The following RNF138 variants were observed in gnomAD, a reference collection of about 807,000 sequenced individuals.
The protein encoded by RNF138 is ring finger protein 138.
In RNF138, 12 loss-of-function variants were observed where a neutral mutation model predicts 31.0. The ratio of observed to expected loss-of-function variants is 0.39; its 90% CI spans 0.25 to 0.63. RNF138 has a LOEUF of 0.63. Ranked by LOEUF, RNF138 falls within the 20% of genes least tolerant of loss-of-function variation. The pLI is 0.52. For synonymous variants in RNF138, 105 were observed against 99.5 expected, an observed-to-expected ratio of 1.06 and a Z score of -0.33; for missense variants, 192 against 300.1, an observed-to-expected ratio of 0.64 and a Z score of 2.66.
chr18:32,109,722 AC>A (rs2040095057), intron 2 of RNF138, among the ~76,000 whole-genome samples: 1 of 152,092 alleles, frequency 6.6e-6, no homozygotes, highest in Non-Finnish European at 1.5e-5. Flanking sequence ...TCCCATCTCT[AC>A]AAAAAGTACA....
In RNF138 at chr18:32,096,160, A is replaced by G. The variant is rs1254218390; in HGVS notation, c.110+3274A>G. ...TTTCCTGAAAACCTATTAAATAATT[A>G]GATAACCTAATGAATAATACTAGAC... On this transcript the variant is annotated intron_variant, in intron 2 of 7. Coordinates refer to ENST00000261593, the MANE Select transcript of RNF138 (RefSeq NM_016271.5). Among the ~76,000 whole-genome samples the G allele has an allele frequency of 2.6e-5, 4 of 152,256 alleles. 1 individual carries two copies. Among genetic ancestry groups the G allele is most frequent in the Admixed American group, 2.6e-4 (4 of 15,286 alleles).
intron 4 of RNF138, among the ~76,000 whole-genome samples, chr18:32,116,328 C>G (rs2040216186): frequency 6.6e-6 from 1 of 152,042 alleles, no homozygotes; most frequent in Non-Finnish European, 1.5e-5. Context: ...CTTGGTAGAA[C>G]TGTTCTTTAT....
chr18:32,092,851 C>A lies in RNF138; in HGVS notation c.75C>A (p.Leu25=). The A allele has an allele frequency of 6.3e-7, 1 of 1,592,454 alleles. No individual in the cohort carries two copies. The highest frequency in any genetic ancestry group is 8.5e-7 in the Non-Finnish European group (1 of 1,172,302). Residue 25 remains leucine (L), a synonymous_variant, in exon 2 of 8, where the codon CTC becomes CTA. Transcript: ENST00000261593. ...DFYCPVCQEV[L]KTPVRTTACQ... ...ACTGCCCCGTCTGTCAGGAGGTGCT[C>A]AAAACGCCCGTGCGGACCACGGCCT... is the stretch of plus-strand genomic sequence containing the variant.
chr18:32,101,237 C>CA (rs1432855058), intron 2 of RNF138, among the ~76,000 whole-genome samples: 5 of 142,702 alleles, frequency 3.5e-5, no homozygotes, highest in African/African-American at 1.3e-4. Context: ...TTTTCAAAGA[C>CA]AGAGTCTGGC....
intron 2 of RNF138, among the ~76,000 whole-genome samples, chr18:32,106,018 C>T (rs1451780504): frequency 1.3e-5 from 2 of 152,216 alleles, no homozygotes; most frequent in Non-Finnish European, 2.9e-5. Flanking sequence ...TGAGTTCTCT[C>T]TTGGAATACC....
At chr18:32,101,928 G>A (rs2039947114) in intron 2 of RNF138, among the ~76,000 whole-genome samples, 1 of 152,132 alleles carries the variant, frequency 6.6e-6, no homozygotes. Flanking sequence ...CCAGGCTGGA[G>A]TGCAGGGGCA....
intron 2 of RNF138, among the ~76,000 whole-genome samples, chr18:32,095,779 T>A (rs1029812739): frequency 1.3e-5 from 2 of 152,228 alleles, no homozygotes; most frequent in Non-Finnish European, 2.9e-5. Flanking sequence ...TCCCTGAAAC[T>A]GCAGTTGTTG....
intron 2 of RNF138, among the ~76,000 whole-genome samples, chr18:32,104,659 G>T (rs1442330460): frequency 6.6e-6 from 1 of 152,004 alleles, no homozygotes; most frequent in African/African-American, 2.4e-5. Flanking sequence ...GAAGAAAAAC[G>T]TCACTTACAA....
chr18:32,103,089 G>A (rs1179236645), intron 2 of RNF138, among the ~76,000 whole-genome samples: 3 of 152,086 alleles, frequency 2.0e-5, no homozygotes, highest in Non-Finnish European at 2.9e-5. Flanking sequence ...TTTATTAGTT[G>A]TGTGCCAATA....
Position 32,092,786 on chromosome 18 carries a change from G to A in RNF138, c.10G>A (p.Asp4Asn). The A allele has an allele frequency of 1.3e-6, 2 of 1,583,908 alleles. No homozygotes were observed. Among genetic ancestry groups the A allele is most frequent in the Non-Finnish European group, 1.7e-6 (2 of 1,168,494 alleles). MAEDLSAATSYTED... is the reference protein window; with the variant it reads MAENLSAATSYTED... Reference sequence around the variant, plus strand: ...TTCCCCATCCCCCGCCATGGCCGAGGACCTCTCTGCGGCCACGTCCTACAC... The same window carrying A: ...TTCCCCATCCCCCGCCATGGCCGAGAACCTCTCTGCGGCCACGTCCTACAC... Residue 4 changes from aspartate to asparagine, a missense_variant, in exon 2 of 8, where the codon GAC (aspartate) becomes AAC (asparagine). Transcript: ENST00000261593.
chr18:32,129,068 T>C, intron 7 of RNF138, 51 bp from the exon 8 acceptor site: 1 of 1,230,558 alleles, frequency 8.1e-7, no homozygotes, highest in Non-Finnish European at 1.2e-6. Flanking sequence ...GGCAAAGTAT[T>C]AGAGTAGTTG....
intron 5 of RNF138, 77 bp downstream of exon 5, chr18:32,123,651 A>AT: frequency 3.0e-6 from 3 of 1,005,264 alleles, no homozygotes; most frequent in South Asian, 1.7e-5. Context: ...TTTAAATTAA[A>AT]CTTTTTTTTT....
chr18:32,127,370 T>G (rs1039995485), intron 7 of RNF138, among the ~76,000 whole-genome samples: 1 of 152,214 alleles, frequency 6.6e-6, no homozygotes, highest in Non-Finnish European at 1.5e-5. Flanking sequence ...TTTAATTAGG[T>G]GAAAACCTGT....
rs898490229 is a variant in RNF138 at position 32,123,688 on chromosome 18, G to A, written c.449+114G>A. ...TTTTTTTGAGACGGAGTCTCACTTTGTTTTCCCAGGCTGGAGTGCAGTGGT... is the reference window on the plus strand; with the variant it reads ...TTTTTTTGAGACGGAGTCTCACTTTATTTTCCCAGGCTGGAGTGCAGTGGT... On this transcript the variant is annotated intron_variant, in intron 5 of 7. Transcript: ENST00000261593. 19 of 629,680 alleles carry A rather than the reference G, an allele frequency of 3.0e-5. No homozygotes were observed. The South Asian group carries it at 4.8e-4, about 16-fold the overall frequency. The allele number at this position is 629,680 out of a possible 1,614,324, so 39.0% of individuals were successfully genotyped here.
intron 2 of RNF138, among the ~76,000 whole-genome samples, chr18:32,094,568 C>T (rs1240893867): frequency 4.6e-5 from 7 of 151,730 alleles, no homozygotes; most frequent in African/African-American, 1.5e-4. Flanking sequence ...ATGCCATCCT[C>T]AAACCTTGTT....
chr18:32,121,721 TTTAA>T (rs2040309082), intron 4 of RNF138, among the ~76,000 whole-genome samples: 1 of 152,182 alleles, frequency 6.6e-6, no homozygotes, highest in Non-Finnish European at 1.5e-5. Context: ...GTTGTTTTTC[TTTAA>T]TTGGTGACAC....
rs868534818 is a variant in RNF138 at position 32,107,143 on chromosome 18, C to T, written c.111-4611C>T. Among the ~76,000 whole-genome samples the T allele has an allele frequency of 1.6e-4, 16 of 98,572 alleles. No homozygotes were observed. The South Asian group carries it at 3.8e-3, about 24-fold the overall frequency. 64.7% of individuals were successfully genotyped at this position (98,572 alleles called of 152,430 possible). A position where few individuals can be genotyped will look rare whatever the true frequency, so the allele number is the denominator to read the frequency against. ...TTTTTTTTTTTTTTTTTTTTGGAGA[C>T]GGAATCTCGCTCTGTCACCCAGGCT... On this transcript the variant is annotated intron_variant, in intron 2 of 7. Coordinates refer to ENST00000261593, the MANE Select transcript of RNF138 (RefSeq NM_016271.5).
At chr18:32,113,945 G>A in intron 4 of RNF138, 85 bp downstream of exon 4, 2 of 704,578 alleles carry the variant, frequency 2.8e-6, no homozygotes, top group South Asian at 1.7e-5. Context: ...GTATTTGGGG[G>A]GATGTGTGTG....
intron 2 of RNF138, among the ~76,000 whole-genome samples, chr18:32,093,206 C>T (rs995623348): frequency 6.6e-6 from 1 of 152,286 alleles, no homozygotes; most frequent in African/African-American, 2.4e-5. Context: ...GTCTTCAGGC[C>T]CCGGAGGCCC....
Sources: allele counts gnomAD v4.1 joint callset (sites outside exome capture counted in the v4.1 genomes callset), GRCh38; gene constraint gnomAD v4.1.1; transcripts MANE v1.5; gene names NCBI Gene and HGNC (gene_info 2026-07-23, HGNC 2026-07-21).